UIMC1: variants seen among roughly 807,000 people sequenced by gnomAD.
UIMC1 encodes ubiquitin interaction motif containing 1, also known as BRCA1-A complex subunit RAP80.
A neutral mutation model predicts 84.9 loss-of-function variants in UIMC1; 42 were observed. The ratio of observed to expected loss-of-function variants is 0.49; its 90% CI spans 0.39 to 0.64. The LOEUF (loss-of-function observed/expected upper bound fraction) is 0.64. UIMC1 is among the 30% of genes least tolerant of loss of function. UIMC1 has a pLI of 0.00. For synonymous variants in UIMC1, 281 were observed against 293.0 expected (o/e 0.96, Z 0.42); for missense variants, 825 against 847.6 (o/e 0.97, Z 0.33).
At chr5:176,962,044 G>A (rs1581551921) in intron 6 of UIMC1, among the ~76,000 whole-genome samples, 2 of 32,920 alleles carry the variant, frequency 6.1e-5, no homozygotes, top group Non-Finnish European at 5.8e-5. Context: ...GGTGAGGGGC[G>A]CCTCTGCCCG....
intron 1 of UIMC1, among the ~76,000 whole-genome samples, chr5:176,995,265 T>C (rs1013326188): frequency 1.3e-5 from 2 of 152,152 alleles, no homozygotes; most frequent in African/African-American, 2.4e-5. Context: ...TGACAACTTG[T>C]GGGCTGGGCA....
chr5:177,017,933 T>A (rs949731129), intron 1 of UIMC1, among the ~76,000 whole-genome samples: 1 of 152,118 alleles, frequency 6.6e-6, no homozygotes, highest in African/African-American at 2.4e-5. Context: ...ATTACAGGTA[T>A]GAGCCACTGT....
chr5:176,957,775 T>C (rs550997577), intron 7 of UIMC1, among the ~76,000 whole-genome samples: 7 of 152,326 alleles, frequency 4.6e-5, no homozygotes, highest in South Asian at 2.1e-4. Context: ...CAAATTGGCA[T>C]AGAAAACTAG....
intron 10 of UIMC1, among the ~76,000 whole-genome samples, chr5:176,932,917 T>G (rs918110352): frequency 6.6e-6 from 1 of 151,468 alleles, no homozygotes; most frequent in African/African-American, 2.4e-5. Context: ...ATGACTTCTT[T>G]ATCCTTTCTA....
chr5:176,905,268 T>C lies in UIMC1; in HGVS notation c.*14A>G. 6.2e-7 allele frequency: 1 copy of C among 1,613,114 alleles called. No homozygotes were observed. Among genetic ancestry groups the C allele is most frequent in the Non-Finnish European group, 8.5e-7 (1 of 1,179,300 alleles). The stretch of plus-strand genomic sequence containing the variant: ...TCCTACTAATGGTTTTGTCAACTTT[T>C]GGACCCTAGAAATTCAGAATTTTCT... On this transcript the variant is annotated 3_prime_UTR_variant, in exon 15 of 15. Coordinates refer to ENST00000511320, the MANE Select transcript of UIMC1 (RefSeq NM_001199298.2).
In UIMC1 at chr5:176,993,255, G is replaced by A. The variant is rs113661417; in HGVS notation, c.-8-10632C>T. On this transcript the variant is annotated intron_variant, in intron 1 of 14. Transcript: ENST00000511320. Reference sequence around the variant, plus strand: ...TCCCAGCACTTTATGAGGCCAACACGGCTCACCACAATCTCAACCTCCTAG... The same window carrying A: ...TCCCAGCACTTTATGAGGCCAACACAGCTCACCACAATCTCAACCTCCTAG... Among the ~76,000 whole-genome samples, 650 of 151,700 alleles carry A rather than the reference G, an allele frequency of 4.3e-3. 10 individuals are homozygous for A. The highest frequency in any genetic ancestry group is 0.014 in the African/African-American group (596 of 41,352).
intron 11 of UIMC1, 56 bp downstream of exon 11, chr5:176,911,255 A>T: frequency 1.4e-6 from 2 of 1,412,786 alleles, no homozygotes; most frequent in Non-Finnish European, 1.9e-6. Context: ...CTTTTTATTC[A>T]GTCCAAACGA....
intron 10 of UIMC1, among the ~76,000 whole-genome samples, chr5:176,922,481 C>G (rs1369115829): frequency 1.3e-5 from 2 of 152,264 alleles, no homozygotes; most frequent in African/African-American, 4.8e-5. Flanking sequence ...AGTCCGTCCA[C>G]TTCTACTAAC....
intron 6 of UIMC1, among the ~76,000 whole-genome samples, chr5:176,959,141 A>C (rs1237354504): frequency 1.3e-5 from 2 of 152,250 alleles, no homozygotes; most frequent in Non-Finnish European, 2.9e-5. Context: ...TCATTATGAA[A>C]AACAAGACTT....
intron 14 of UIMC1, chr5:176,905,756 T>A (rs780251562): frequency 4.2e-5 from 26 of 622,472 alleles, no homozygotes; most frequent in Non-Finnish European, 6.6e-5. Flanking sequence ...AAAACCAGGG[T>A]TGGATGGGGA....
intron 10 of UIMC1, among the ~76,000 whole-genome samples, chr5:176,912,713 T>C (rs924423086): frequency 1.3e-5 from 2 of 152,050 alleles, no homozygotes; most frequent in African/African-American, 4.8e-5. Context: ...TCACGCAGGC[T>C]GGAATGCAAT....
At position 176,969,490 on chromosome 5, in the gene UIMC1, T is replaced by C. The variant is rs1768871173; in HGVS notation, c.463+111A>G. ...TCAACTACTTCCTGATTTAACTTCT[T>C]TATTATCACCAAAAGGATCTGGGGT... On this transcript the variant is annotated intron_variant, in intron 5 of 14. Transcript: ENST00000511320. 1.2e-5 allele frequency: 15 copies of C among 1,302,576 alleles called. No individual in the cohort carries two copies. In the Middle Eastern group the frequency reaches 1.6e-3, roughly 136 times the overall value. 80.7% of individuals were successfully genotyped at this position (1,302,576 alleles called of 1,614,324 possible).
Position 176,996,965 on chromosome 5 carries a change from G to A in UIMC1, c.-9+9685C>T, listed in dbSNP as rs4976634. 9.9e-4 allele frequency among the ~76,000 whole-genome samples: 151 copies of A among 152,168 alleles called. 2 individuals are homozygous for A. The highest frequency in any genetic ancestry group is 6.8e-3 in the Middle Eastern group (2 of 294). ...TGGTCAGAGGCTGTTGAAATGCACA[G>A]CAGAGACCACAATAGGCCCAAGCTT... On this transcript the variant is annotated intron_variant, in intron 1 of 14. Transcript: ENST00000511320.
At chr5:176,986,657 A>T (rs767553199) in intron 1 of UIMC1, among the ~76,000 whole-genome samples, 1 of 152,014 alleles carries the variant, frequency 6.6e-6, no homozygotes, top group Non-Finnish European at 1.5e-5. Flanking sequence ...CCTCATCAAC[A>T]TAGCAAGACC....
chr5:176,947,132 T>C (rs555412124), intron 9 of UIMC1, among the ~76,000 whole-genome samples: 2 of 152,320 alleles, frequency 1.3e-5, no homozygotes, highest in African/African-American at 4.8e-5. Context: ...TGTCTTATTA[T>C]GAATATAAGC....
chr5:176,939,714 C>G (rs73804285), intron 10 of UIMC1, among the ~76,000 whole-genome samples: 76 of 152,292 alleles, frequency 5.0e-4, no homozygotes, highest in African/African-American at 1.8e-3. Flanking sequence ...TTTCTCAGAA[C>G]ACATCCCCAT....
At chr5:176,912,691 A>G (rs1215367934) in intron 10 of UIMC1, among the ~76,000 whole-genome samples, 2 of 146,314 alleles carry the variant, frequency 1.4e-5, no homozygotes, top group Non-Finnish European at 3.0e-5. Flanking sequence ...TTTGAGATGG[A>G]GTCTCGCTCT....
At chr5:177,001,594 A>T (rs1156448371) in intron 1 of UIMC1, 1 of 152,092 alleles carries the variant, frequency 6.6e-6, no homozygotes, top group African/African-American at 2.4e-5. Context: ...CTTATTCTAA[A>T]TGTATATAGA....
At chr5:176,968,496 T>A in intron 6 of UIMC1, 59 bp downstream of exon 6, 1 of 1,527,610 alleles carries the variant, frequency 6.5e-7, no homozygotes, top group East Asian at 2.3e-5. Flanking sequence ...ACAGCTAAAA[T>A]AATCCTTGTT....
Sources: allele counts gnomAD v4.1 joint callset (sites outside exome capture counted in the v4.1 genomes callset), GRCh38; gene constraint gnomAD v4.1.1; transcripts MANE v1.5; gene names NCBI Gene and HGNC (gene_info 2026-07-23, HGNC 2026-07-21).